RORA: variants seen among roughly 807,000 people sequenced by gnomAD.
The protein encoded by RORA is nuclear receptor ROR-alpha.
A neutral mutation model predicts 69.5 loss-of-function variants in RORA; 7 were observed. The observed-to-expected ratio is 0.10, with a 90% CI of 0.06 to 0.19. The LOEUF (loss-of-function observed/expected upper bound fraction) is 0.19. Ranked by LOEUF, RORA falls within the 10% of genes least tolerant of loss-of-function variation. The pLI is 1.00. For missense variants in RORA, 457 were observed against 663.0 expected, an observed-to-expected ratio of 0.69 and a Z score of 3.41; for synonymous variants, 261 against 240.8, an observed-to-expected ratio of 1.08 and a Z score of -0.78.
intron 1 of RORA, among the ~76,000 whole-genome samples, chr15:60,761,506 G>GT (rs1268445451): frequency 6.6e-6 from 1 of 152,008 alleles, no homozygotes; most frequent in African/African-American, 2.4e-5. Context: ...TTTATGATAT[G>GT]TTTTTTTAAA....
chr15:61,098,339 CCTT>C (rs1401064160), intron 1 of RORA, among the ~76,000 whole-genome samples: 4 of 149,704 alleles, frequency 2.7e-5, no homozygotes, highest in Non-Finnish European at 5.9e-5. Context: ...TTTCTTCATT[CCTT>C]CTTTTCTACT....
At chr15:60,586,147 A>G (rs1293803837) in intron 2 of RORA, among the ~76,000 whole-genome samples, 1 of 151,926 alleles carries the variant, frequency 6.6e-6, no homozygotes, top group Non-Finnish European at 1.5e-5. Context: ...TTTCACAAAC[A>G]ATGATATCAC....
chr15:60,555,887 C>T (rs1004913782), intron 2 of RORA, among the ~76,000 whole-genome samples: 1 of 152,080 alleles, frequency 6.6e-6, no homozygotes, highest in Admixed American at 6.5e-5. Flanking sequence ...CCCTCTTCCC[C>T]ACTCCTTCTT....
intron 1 of RORA, among the ~76,000 whole-genome samples, chr15:60,969,284 A>T (rs1282953065): frequency 2.0e-5 from 3 of 152,226 alleles, no homozygotes; most frequent in Non-Finnish European, 4.4e-5. Context: ...CAAACTATCA[A>T]TTCATTAGGT....
intron 2 of RORA, among the ~76,000 whole-genome samples, chr15:60,635,078 C>G (rs1218641048): frequency 6.6e-6 from 1 of 152,196 alleles, no homozygotes; most frequent in African/African-American, 2.4e-5. Context: ...CTCTGCTTCC[C>G]TTTAATGGTT....
At chr15:60,568,158 A>C (rs1328111111) in intron 2 of RORA, among the ~76,000 whole-genome samples, 11 of 152,314 alleles carry the variant, frequency 7.2e-5, no homozygotes, top group South Asian at 2.1e-4. Context: ...CAGGAAAATA[A>C]GCTCTGGATA....
chr15:61,015,813 T>C (rs137856846), intron 1 of RORA, among the ~76,000 whole-genome samples: 71 of 152,372 alleles, frequency 4.7e-4, no homozygotes, highest in African/African-American at 1.5e-3. Context: ...AAAGAGCTTA[T>C]TGCAGTCTTA....
intron 1 of RORA, among the ~76,000 whole-genome samples, chr15:60,679,258 G>C (rs1479002327): frequency 6.6e-6 from 1 of 152,114 alleles, no homozygotes; most frequent in African/African-American, 2.4e-5. Flanking sequence ...CTCTAAAAAT[G>C]GCCCCCAAAT....
chr15:60,758,194 T>C (rs1439134334), intron 1 of RORA, among the ~76,000 whole-genome samples: 2 of 152,188 alleles, frequency 1.3e-5, no homozygotes, highest in Admixed American at 6.5e-5. Context: ...GCACAATGCC[T>C]GGCACAGGGT....
chr15:60,754,513 T>TG (rs2140864507), intron 1 of RORA, among the ~76,000 whole-genome samples: 1 of 152,314 alleles, frequency 6.6e-6, no homozygotes, highest in African/African-American at 2.4e-5. Context: ...TTATTAGGGC[T>TG]GTTTTAGTCT....
chr15:60,566,150 T>G (rs190412291), intron 2 of RORA, among the ~76,000 whole-genome samples: 1 of 152,320 alleles, frequency 6.6e-6, no homozygotes, highest in Admixed American at 6.5e-5. Context: ...TTATTATAAT[T>G]ATGGAGAGCA....
At chr15:60,540,684 C>T (rs527907842) in intron 2 of RORA, among the ~76,000 whole-genome samples, 1 of 151,596 alleles carries the variant, frequency 6.6e-6, no homozygotes, top group East Asian at 1.9e-4. Context: ...GCAAAGGAAC[C>T]CATCATTTCT....
rs2065000767 is a variant in RORA, at chr15:60,489,107, A to G, written c.*8348T>C. ...CTTAGGATGCTAAATCGTGCTTTAA[A>G]AAAAAGGTTTCAATCTCTTTCCAAG... On this transcript the variant is annotated 3_prime_UTR_variant, in exon 11 of 11. Coordinates refer to ENST00000335670, the MANE Select transcript of RORA (RefSeq NM_134261.3). The G allele has an allele frequency of 6.6e-6, 1 of 152,220 alleles. No homozygotes were observed. Among genetic ancestry groups the G allele is most frequent in the Admixed American group, 6.5e-5 (1 of 15,288 alleles). 9.4% of individuals were successfully genotyped at this position (152,220 alleles called of 1,614,324 possible). A position where few individuals can be genotyped will look rare whatever the true frequency, so the allele number is the denominator to read the frequency against.
At chr15:61,191,193 G>C (rs1364516521) in intron 1 of RORA, among the ~76,000 whole-genome samples, 2 of 152,132 alleles carry the variant, frequency 1.3e-5, no homozygotes, top group African/African-American at 4.8e-5. Flanking sequence ...TCTAAAGATA[G>C]GAATAGCTGC....
At chr15:61,081,119 G>A (rs1418486005) in intron 1 of RORA, among the ~76,000 whole-genome samples, 1 of 152,138 alleles carries the variant, frequency 6.6e-6, no homozygotes, top group Non-Finnish European at 1.5e-5. Flanking sequence ...TAAGCGCCAT[G>A]GAGAGCCTCA....
chr15:61,105,208 T>A (rs1313250815), intron 1 of RORA, among the ~76,000 whole-genome samples: 5 of 152,130 alleles, frequency 3.3e-5, no homozygotes, highest in Non-Finnish European at 7.3e-5. Flanking sequence ...CCTTTTACAT[T>A]TATAATGAAG....
chr15:60,594,709 A>G (rs774573137), intron 2 of RORA, among the ~76,000 whole-genome samples: 13 of 152,286 alleles, frequency 8.5e-5, no homozygotes. Flanking sequence ...CTGCTCCTGC[A>G]GTTATAAGTA....
intron 2 of RORA, among the ~76,000 whole-genome samples, chr15:60,604,132 C>CAAAAA (rs3053857): frequency 2.2e-5 from 2 of 91,976 alleles, no homozygotes; most frequent in Non-Finnish European, 4.3e-5. Flanking sequence ...GACTCTGTCT[C>CAAAAA]AAAAAAAAAA....
intron 1 of RORA, among the ~76,000 whole-genome samples, chr15:61,169,819 G>T (rs2079570216): frequency 6.6e-6 from 1 of 152,036 alleles, no homozygotes; most frequent in South Asian, 2.1e-4. Context: ...GGGCACCTGG[G>T]AAGAAAAATT....
Sources: gnomAD v4.1 joint callset for allele counts (sites outside exome capture counted in the v4.1 genomes callset) on GRCh38, gnomAD v4.1.1 for gene constraint, MANE v1.5 for transcripts, NCBI Gene and HGNC (gene_info 2026-07-23, HGNC 2026-07-21) for gene names.